SH3BGRL2: variants seen among roughly 807,000 people sequenced by gnomAD.
SH3BGRL2 encodes the protein SH3 domain-binding glutamic acid-rich-like protein 2.
Under a neutral mutation model 14.8 loss-of-function variants are expected in SH3BGRL2, and 21 were observed. The observed-to-expected ratio is 1.42, with a 90% CI of 1.01 to 2.05. The LOEUF (loss-of-function observed/expected upper bound fraction) is 2.05. Among genes scored for constraint, SH3BGRL2 ranks in the 30% most tolerant of loss-of-function variants. The probability of loss-of-function intolerance (pLI) is 0.00; values close to 1 mark genes in which losing one functional copy is unlikely to be tolerated. For missense variants in SH3BGRL2, 147 were observed against 130.8 expected, an observed-to-expected ratio of 1.12 and a Z score of -0.61; for synonymous variants, 50 against 47.8, an observed-to-expected ratio of 1.05 and a Z score of -0.19.
the SH3BGRL2 span, among the ~76,000 whole-genome samples, chr6:79,618,093 A>G: frequency 2.0e-5 from 3 of 152,338 alleles, no homozygotes; most frequent in East Asian, 5.8e-4. Flanking sequence ...ATTTGCAAGC[A>G]TATCTATGTA....
At chr6:79,662,401 A>G (rs1274587135) in intron 1 of SH3BGRL2, among the ~76,000 whole-genome samples, 2 of 152,134 alleles carry the variant, frequency 1.3e-5, no homozygotes, top group African/African-American at 2.4e-5. Context: ...TCCTTCACTT[A>G]TGAAGCTTAG....
At chr6:79,636,419 G>A (rs1307619501) in intron 1 of SH3BGRL2, among the ~76,000 whole-genome samples, 1 of 152,146 alleles carries the variant, frequency 6.6e-6, no homozygotes, top group Non-Finnish European at 1.5e-5. Flanking sequence ...CATTGGCAGA[G>A]GAGGTTGTGG....
chr6:79,644,373 T>A (rs989876707), intron 1 of SH3BGRL2, among the ~76,000 whole-genome samples: 2 of 152,008 alleles, frequency 1.3e-5, no homozygotes, highest in Non-Finnish European at 2.9e-5. Flanking sequence ...AAGGGAAAGA[T>A]TCAGTCAACA....
the SH3BGRL2 span, among the ~76,000 whole-genome samples, chr6:79,559,507 A>G: frequency 1.3e-5 from 2 of 152,232 alleles, no homozygotes; most frequent in African/African-American, 4.8e-5. Context: ...ATTATAAAAG[A>G]CAAAGAAAAA....
chr6:79,646,989 C>T (rs914016530), intron 1 of SH3BGRL2, among the ~76,000 whole-genome samples: 6 of 152,144 alleles, frequency 3.9e-5, no homozygotes, highest in East Asian at 1.9e-4. Flanking sequence ...TGAATAATGC[C>T]GCTCTGAACG....
chr6:79,558,700 AT>A, the SH3BGRL2 span, among the ~76,000 whole-genome samples: 1 of 145,342 alleles, frequency 6.9e-6, no homozygotes, highest in Admixed American at 7.2e-5. Flanking sequence ...CCCCATCTCT[AT>A]AAAAAAAAAA....
At chr6:79,563,520 A>G in the SH3BGRL2 span, among the ~76,000 whole-genome samples, 8 of 152,218 alleles carry the variant, frequency 5.3e-5, no homozygotes, top group East Asian at 1.6e-3. Context: ...AGGAAATGTG[A>G]CACAAGCAGA....
the SH3BGRL2 span, among the ~76,000 whole-genome samples, chr6:79,559,349 G>C: frequency 2.0e-5 from 3 of 152,020 alleles, no homozygotes; most frequent in African/African-American, 7.3e-5. Flanking sequence ...TGGTGAGACA[G>C]GTGGATATTT....
At chr6:79,656,049 G>A (rs1349240292) in intron 1 of SH3BGRL2, among the ~76,000 whole-genome samples, 2 of 152,172 alleles carry the variant, frequency 1.3e-5, no homozygotes, top group Admixed American at 6.5e-5. Flanking sequence ...GGTACTGAAA[G>A]GTTTTTAAAG....
chr6:79,678,990 T>C (rs1769938261), intron 2 of SH3BGRL2, among the ~76,000 whole-genome samples: 1 of 152,240 alleles, frequency 6.6e-6, no homozygotes. Context: ...ATGGTGTATA[T>C]GTATCACATT....
intron 1 of SH3BGRL2, among the ~76,000 whole-genome samples, chr6:79,637,247 C>A (rs1768943267): frequency 6.6e-6 from 1 of 152,158 alleles, no homozygotes; most frequent in African/African-American, 2.4e-5. Flanking sequence ...ATCCATTCTT[C>A]AGTAACATTT....
the SH3BGRL2 span, among the ~76,000 whole-genome samples, chr6:79,551,188 C>T: frequency 1.3e-5 from 2 of 152,188 alleles, no homozygotes. Flanking sequence ...ATTTCTAATA[C>T]CCCAATGGGC....
At chr6:79,613,111 A>T in the SH3BGRL2 span, among the ~76,000 whole-genome samples, 1 of 152,190 alleles carries the variant, frequency 6.6e-6, no homozygotes, top group Admixed American at 6.5e-5. Flanking sequence ...ACATCTCTAC[A>T]GGCTGGTTAG....
the SH3BGRL2 span, among the ~76,000 whole-genome samples, chr6:79,589,928 C>A: frequency 6.6e-6 from 1 of 152,112 alleles, no homozygotes; most frequent in Non-Finnish European, 1.5e-5. Flanking sequence ...TGTACCACTA[C>A]GCCCCACTAA....
rs894765460 is a variant in SH3BGRL2, at chr6:79,661,084, C to T, written c.46-12530C>T. 2.6e-5 allele frequency among the ~76,000 whole-genome samples: 4 copies of T among 152,058 alleles called. No homozygotes were observed. The East Asian group carries it at 7.7e-4, about 29-fold the overall frequency. On this transcript the variant is annotated intron_variant, in intron 1 of 3. Transcript: ENST00000369838. ...TGTTGATCATTTCAAAAAACCAGCT[C>T]CTGGATTCATTGATTTTTTGAAGGC...
intron 2 of SH3BGRL2, among the ~76,000 whole-genome samples, chr6:79,682,848 A>G (rs1770014021): frequency 6.6e-6 from 1 of 152,276 alleles, no homozygotes; most frequent in Non-Finnish European, 1.5e-5. Context: ...TGGCACATAT[A>G]CACCATGGAG....
chr6:79,631,653 C>T (rs1768828210), intron 1 of SH3BGRL2, 147 bp downstream of exon 1: 1 of 236,612 alleles, frequency 4.2e-6, no homozygotes, highest in African/African-American at 2.3e-5. Context: ...CACACTCCGA[C>T]AACAATGAAG....
chr6:79,656,510 A>G (rs1447622496), intron 1 of SH3BGRL2, among the ~76,000 whole-genome samples: 2 of 152,180 alleles, frequency 1.3e-5, no homozygotes, highest in South Asian at 2.1e-4. Context: ...ACGTATCACA[A>G]TACATAAAAG....
At chr6:79,676,135 T>C (rs570081570) in intron 2 of SH3BGRL2, among the ~76,000 whole-genome samples, 1 of 152,172 alleles carries the variant, frequency 6.6e-6, no homozygotes, top group African/African-American at 2.4e-5. Context: ...TGGGAATCTC[T>C]GCCTGGCTAT....
Sources: gnomAD v4.1 joint callset for allele counts (sites outside exome capture counted in the v4.1 genomes callset) on GRCh38, gnomAD v4.1.1 for gene constraint, MANE v1.5 for transcripts, NCBI Gene and HGNC (gene_info 2026-07-23, HGNC 2026-07-21) for gene names.